The following GRM7 variants were observed in gnomAD, a reference collection of about 807,000 sequenced individuals.
GRM7 encodes metabotropic glutamate receptor 7.
In GRM7, 35 loss-of-function variants were observed where a neutral mutation model predicts 84.5. That is an observed-to-expected ratio of 0.41 (90% CI 0.32 to 0.55). The LOEUF is 0.55. GRM7 is among the 20% of genes least tolerant of loss of function. The probability of loss-of-function intolerance (pLI) is 0.19; values close to 1 mark genes in which losing one functional copy is unlikely to be tolerated. For synonymous variants in GRM7, 487 were observed against 455.1 expected (o/e 1.07, Z -0.89); for missense variants, 1,003 against 1,194.6 (o/e 0.84, Z 2.36).
chr3:7,580,213 A>C (rs113798837), intron 8 of GRM7, among the ~76,000 whole-genome samples: 337 of 152,324 alleles, frequency 2.2e-3, no homozygotes, highest in Middle Eastern at 6.8e-3. Flanking sequence ...ATGTAATATC[A>C]ACCCTAATAT....
At chr3:7,237,087 G>A (rs747508600) in intron 2 of GRM7, among the ~76,000 whole-genome samples, 1 of 152,140 alleles carries the variant, frequency 6.6e-6, no homozygotes, top group Non-Finnish European at 1.5e-5. Flanking sequence ...ATTTCAGGGG[G>A]AATTTCTTAT....
intron 9 of GRM7, chr3:7,694,368 G>A: frequency 1.1e-6 from 1 of 873,430 alleles, no homozygotes; most frequent in Non-Finnish European, 1.4e-6. Context: ...TCTAGGAAAG[G>A]ATTTTGGAGA....
intron 4 of GRM7, among the ~76,000 whole-genome samples, chr3:7,370,503 G>A (rs565546479): frequency 6.6e-6 from 1 of 152,168 alleles, no homozygotes; most frequent in African/African-American, 2.4e-5. Context: ...CCATGATTGT[G>A]AGTCCTCCAC....
intron 8 of GRM7, among the ~76,000 whole-genome samples, chr3:7,649,782 A>ATAAT (rs1698840890): frequency 6.6e-6 from 1 of 151,656 alleles, no homozygotes; most frequent in Admixed American, 6.6e-5. Context: ...CATGGCCTAT[A>ATAAT]TAATTTTCCA....
intron 7 of GRM7, among the ~76,000 whole-genome samples, chr3:7,542,388 C>G (rs918544618): frequency 6.6e-6 from 1 of 152,152 alleles, no homozygotes; most frequent in Non-Finnish European, 1.5e-5. Context: ...GAATAATGCA[C>G]TTCCATGGAC....
At chr3:7,324,369 C>T (rs1469073665) in intron 4 of GRM7, among the ~76,000 whole-genome samples, 1 of 152,142 alleles carries the variant, frequency 6.6e-6, no homozygotes, top group Non-Finnish European at 1.5e-5. Context: ...TCCTACCTCA[C>T]GGGGAACTTC....
intron 8 of GRM7, among the ~76,000 whole-genome samples, chr3:7,658,309 A>G (rs1031481399): frequency 2.0e-5 from 3 of 152,258 alleles, no homozygotes; most frequent in African/African-American, 7.2e-5. Context: ...TTTTGAGTAC[A>G]GAATGTTCTA....
chr3:6,951,681 C>T (rs1041317792), intron 1 of GRM7, among the ~76,000 whole-genome samples: 1 of 151,966 alleles, frequency 6.6e-6, no homozygotes, highest in African/African-American at 2.4e-5. Flanking sequence ...CAGAACATGC[C>T]CTATCTTGGT....
chr3:7,617,552 G>T (rs1487788444), intron 8 of GRM7, among the ~76,000 whole-genome samples: 3 of 151,996 alleles, frequency 2.0e-5, no homozygotes, highest in African/African-American at 7.2e-5. Flanking sequence ...TAAAGCAAAA[G>T]ATCGACAGAA....
At position 7,499,218 on chromosome 3, in the gene GRM7, A is replaced by C. The variant is rs144836827; in HGVS notation, c.1515+37496A>C. On this transcript the variant is annotated intron_variant, in intron 7 of 9. Coordinates refer to ENST00000357716, the MANE Select transcript of GRM7 (RefSeq NM_000844.4). ...AAAATCTCTGGGCTTCTTTTCTGGCACTTGCAGGCACCCAGAAAGTGTCCC... is the reference window on the plus strand; with the variant it reads ...AAAATCTCTGGGCTTCTTTTCTGGCCCTTGCAGGCACCCAGAAAGTGTCCC... Among the ~76,000 whole-genome samples, 777 of 152,256 alleles carry C rather than the reference A, an allele frequency of 5.1e-3. 5 individuals carry two copies. Among genetic ancestry groups the C allele is most frequent in the African/African-American group, 0.018 (730 of 41,558 alleles).
intron 1 of GRM7, among the ~76,000 whole-genome samples, chr3:6,990,114 G>A (rs1317586898): frequency 6.6e-6 from 1 of 152,184 alleles, no homozygotes; most frequent in Non-Finnish European, 1.5e-5. Flanking sequence ...GCCAGCAGGG[G>A]CTCCCTGTGG....
chr3:7,653,660 C>G (rs1232807224), intron 8 of GRM7, among the ~76,000 whole-genome samples: 10 of 152,152 alleles, frequency 6.6e-5, no homozygotes, highest in Non-Finnish European at 1.5e-5. Context: ...ATTCCTGAAG[C>G]AGCAGGATGT....
chr3:7,125,944 C>T (rs1046641031), intron 1 of GRM7, among the ~76,000 whole-genome samples: 3 of 152,178 alleles, frequency 2.0e-5, no homozygotes, highest in Admixed American at 2.0e-4. Context: ...TGGGATTTAT[C>T]CGTGAAAATT....
chr3:7,056,489 G>A (rs1697226279), intron 1 of GRM7, among the ~76,000 whole-genome samples: 1 of 151,948 alleles, frequency 6.6e-6, no homozygotes, highest in Admixed American at 6.6e-5. Flanking sequence ...TGTCATAAGT[G>A]ACTCCATTTT....
chr3:7,490,234 A>G (rs1010164764), intron 7 of GRM7, among the ~76,000 whole-genome samples: 1 of 151,886 alleles, frequency 6.6e-6, no homozygotes, highest in Non-Finnish European at 1.5e-5. Context: ...AGTGTTTTTT[A>G]CCTTTGGGGT....
At chr3:7,066,092 G>A (rs1450380655) in intron 1 of GRM7, among the ~76,000 whole-genome samples, 1 of 151,578 alleles carries the variant, frequency 6.6e-6, no homozygotes, top group Non-Finnish European at 1.5e-5. Flanking sequence ...AGCACAAACA[G>A]ACAATCTAAG....
chr3:7,143,611 C>A (rs1694018900), intron 1 of GRM7, among the ~76,000 whole-genome samples: 1 of 152,090 alleles, frequency 6.6e-6, no homozygotes. Context: ...TCAGGATTTT[C>A]ATTACTAAAA....
At chr3:7,172,018 G>A (rs943220701) in intron 2 of GRM7, among the ~76,000 whole-genome samples, 10 of 152,170 alleles carry the variant, frequency 6.6e-5, no homozygotes, top group African/African-American at 1.9e-4. Context: ...ATGTGTGTCC[G>A]TCAGCGCTTA....
At chr3:7,653,067 C>A (rs1699020810) in intron 8 of GRM7, among the ~76,000 whole-genome samples, 1 of 151,866 alleles carries the variant, frequency 6.6e-6, no homozygotes, top group Non-Finnish European at 1.5e-5. Context: ...TTCCCCTTTG[C>A]AATGAGCTCC....
Sources: gnomAD v4.1 joint callset for allele counts (sites outside exome capture counted in the v4.1 genomes callset) on GRCh38, gnomAD v4.1.1 for gene constraint, MANE v1.5 for transcripts, NCBI Gene and HGNC (gene_info 2026-07-23, HGNC 2026-07-21) for gene names.